Variants in PEDS1 observed in about 807,000 individuals in gnomAD.
PEDS1 encodes the protein CarF homolog.
In PEDS1, 14 loss-of-function variants were observed where a neutral mutation model predicts 35.2. That is an observed-to-expected ratio of 0.40 (90% confidence interval 0.26 to 0.62). The LOEUF (loss-of-function observed/expected upper bound fraction) is 0.62, where lower values mean the gene tolerates loss of function less well. Among genes scored for constraint, PEDS1 ranks in the 20% least tolerant of loss-of-function variants. The pLI is 0.44. For missense variants in PEDS1, 260 were observed against 367.8 expected, an observed-to-expected ratio of 0.71 and a Z score of 2.40; for synonymous variants, 152 against 152.0, an observed-to-expected ratio of 1.00 and a Z score of 0.00.
In PEDS1 at chr20:50,128,801, G is replaced by A. The variant is rs974081570; in HGVS notation, c.479-614C>T. On this transcript the variant is annotated intron_variant, in intron 4 of 5. Transcript: ENST00000371652. This position sits in a 1 kb window ranked among gnomAD's most constrained non-coding sequence, Gnocchi z 5.2. Reference sequence around the variant, plus strand: ...AGGCAAAGGGACTAGCGTCGGAGGCGTTTCAGTCACTGGCTCCAGCCTTAT... The same window carrying A: ...AGGCAAAGGGACTAGCGTCGGAGGCATTTCAGTCACTGGCTCCAGCCTTAT... 2.0e-5 allele frequency among the ~76,000 whole-genome samples: 3 copies of A among 152,170 alleles called. No homozygotes were observed. Among genetic ancestry groups the A allele is most frequent in the African/African-American group, 7.2e-5 (3 of 41,446 alleles).
chr20:50,152,670 G>T (rs1430365706), intron 1 of PEDS1, among the ~76,000 whole-genome samples: 1 of 152,136 alleles, frequency 6.6e-6, no homozygotes, highest in African/African-American at 2.4e-5. Flanking sequence ...TCCAACTTAT[G>T]ATCTGGTCTG....
At chr20:50,133,410 A>C (rs1036913245) in intron 2 of PEDS1, among the ~76,000 whole-genome samples, 3 of 152,176 alleles carry the variant, frequency 2.0e-5, no homozygotes. Flanking sequence ...CAGACGCCTA[A>C]GGACAGGCTG....
intron 5 of PEDS1, among the ~76,000 whole-genome samples, chr20:50,127,769 G>A (rs773895312): frequency 6.6e-6 from 1 of 152,212 alleles, no homozygotes; most frequent in Non-Finnish European, 1.5e-5. Context: ...GAGGGAGAGG[G>A]CTTTGTCAGT....
intron 1 of PEDS1, among the ~76,000 whole-genome samples, chr20:50,153,030 G>C (rs1023332905): frequency 6.6e-6 from 1 of 152,046 alleles, no homozygotes; most frequent in Non-Finnish European, 1.5e-5. Flanking sequence ...GCAGCCCAGG[G>C]CCTGGGCTAG....
chr20:50,145,145 G>A (rs1443666591), intron 1 of PEDS1, among the ~76,000 whole-genome samples: 2 of 151,924 alleles, frequency 1.3e-5, no homozygotes, highest in East Asian at 3.9e-4. Context: ...GAGATTGCAG[G>A]GAGCTGAGAT....
chr20:50,153,003 A>C (rs2081420660), intron 1 of PEDS1, among the ~76,000 whole-genome samples: 1 of 151,806 alleles, frequency 6.6e-6, no homozygotes, highest in African/African-American at 2.4e-5. Flanking sequence ...CAGGTTAGGG[A>C]GGTGAGGTCA....
chr20:50,119,536 C>T lies in PEDS1; in HGVS notation c.*5522G>A, dbSNP rs2081034110. The T allele has an allele frequency of 6.6e-6, 1 of 151,418 alleles. No homozygotes were observed. Among genetic ancestry groups the T allele is most frequent in the Admixed American group, 6.6e-5 (1 of 15,208 alleles). The allele number at this position is 151,418 out of a possible 1,614,324, so 9.4% of individuals were successfully genotyped here. A position where few individuals can be genotyped will look rare whatever the true frequency, so the allele number is the denominator to read the frequency against. Reference sequence around the variant, plus strand: ...TGGTTTGTGAACATTAATGATAACACTATCTCCAAAATATATTAAGTGAAA... The same window carrying T: ...TGGTTTGTGAACATTAATGATAACATTATCTCCAAAATATATTAAGTGAAA... On this transcript the variant is annotated 3_prime_UTR_variant, in exon 6 of 6. Coordinates refer to ENST00000371652, the MANE Select transcript of PEDS1 (RefSeq NM_199129.4).
chr20:50,129,833 C>T lies in PEDS1; in HGVS notation c.334-143G>A, dbSNP rs1462217811. 7.3e-7 allele frequency: 1 copy of T among 1,365,268 alleles called. No individual in the cohort carries two copies. Among genetic ancestry groups the T allele is most frequent in the Admixed American group, 2.4e-5 (1 of 41,130 alleles). The allele number at this position is 1,365,268 out of a possible 1,614,324, so 84.6% of individuals were successfully genotyped here. ...CACCCGGGATGCTTGAACATTCCCA[C>T]CTGGCCCACTGCCAGACACAGACCC... On this transcript the variant is annotated intron_variant, in intron 3 of 5. Coordinates refer to ENST00000371652, the MANE Select transcript of PEDS1 (RefSeq NM_199129.4). This position sits in a 1 kb window ranked among gnomAD's most constrained non-coding sequence, Gnocchi z 4.2.
At chr20:50,146,776 G>A (rs2081349520) in intron 1 of PEDS1, among the ~76,000 whole-genome samples, 1 of 152,182 alleles carries the variant, frequency 6.6e-6, no homozygotes, top group Non-Finnish European at 1.5e-5. Flanking sequence ...GACCTCAACA[G>A]AGGTCACATA....
Sources: allele counts gnomAD v4.1 joint callset (sites outside exome capture counted in the v4.1 genomes callset), GRCh38; gene constraint gnomAD v4.1.1; non-coding constraint Gnocchi (gnomAD v3.1); transcripts MANE v1.5; gene names NCBI Gene and HGNC (gene_info 2026-07-23, HGNC 2026-07-21).